TMEM131: variants seen among roughly 807,000 people sequenced by gnomAD.
The protein encoded by TMEM131 is transmembrane protein 131.
In TMEM131, 66 loss-of-function variants were observed where a neutral mutation model predicts 211.6. The observed-to-expected ratio is 0.31, with a 90% CI of 0.26 to 0.38. The LOEUF (loss-of-function observed/expected upper bound fraction) is 0.38, where lower values mean the gene tolerates loss of function less well. Among genes scored for constraint, TMEM131 ranks in the 10% least tolerant of loss-of-function variants. The pLI is 1.00. For synonymous variants in TMEM131, 844 were observed against 841.3 expected (o/e 1.00, Z -0.06); for missense variants, 2,036 against 2,299.3 (o/e 0.89, Z 2.34).
intron 4 of TMEM131, among the ~76,000 whole-genome samples, chr2:97,872,812 C>T (rs373239260): frequency 2.0e-4 from 30 of 152,304 alleles, no homozygotes; most frequent in East Asian, 7.7e-4. Flanking sequence ...ACTGGGCGGC[C>T]GTTTGGGCAG....
At position 97,818,585 on chromosome 2, in the gene TMEM131, T is replaced by C. The variant is rs777182901; in HGVS notation, c.1183+28A>G. 9 of 1,403,378 alleles carry C rather than the reference T, an allele frequency of 6.4e-6. No individual in the cohort carries two copies. In the South Asian group the frequency reaches 1.1e-4, roughly 17 times the overall value. The allele number at this position is 1,403,378 out of a possible 1,614,324, so 86.9% of individuals were successfully genotyped here. A position where few individuals can be genotyped will look rare whatever the true frequency, so the allele number is the denominator to read the frequency against. On this transcript the variant is annotated intron_variant, in intron 12 of 40. Transcript: ENST00000186436. The stretch of plus-strand genomic sequence containing the variant: ...CTAGTTTATCAAAATAACATCACTC[T>C]ATCAGAGAGAAAATGGTGAATACTT...
chr2:97,900,505 A>AT (rs533466724), intron 3 of TMEM131, among the ~76,000 whole-genome samples: 1 of 151,862 alleles, frequency 6.6e-6, no homozygotes, highest in Non-Finnish European at 1.5e-5. Context: ...GGATTTCCTT[A>AT]TTTTTTAAGG....
At chr2:97,874,727 CTAAA>C (rs1674623154) in intron 4 of TMEM131, among the ~76,000 whole-genome samples, 1 of 152,182 alleles carries the variant, frequency 6.6e-6, no homozygotes. Context: ...GAAGGAAGCA[CTAAA>C]TATGGACAGG....
intron 31 of TMEM131, among the ~76,000 whole-genome samples, chr2:97,777,217 C>G (rs1405908631): frequency 6.6e-6 from 1 of 152,238 alleles, no homozygotes; most frequent in African/African-American, 2.4e-5. Context: ...CAGGCAGGTG[C>G]AAGCTGCAGA....
chr2:97,976,838 T>G (rs1679557259), intron 1 of TMEM131, among the ~76,000 whole-genome samples: 1 of 150,598 alleles, frequency 6.6e-6, no homozygotes, highest in African/African-American at 2.5e-5. Flanking sequence ...CAACCAGAAA[T>G]AAACTCACAC....
Position 97,756,597 on chromosome 2 carries a change from A to T in TMEM131, c.*502T>A, listed in dbSNP as rs941548168. The T allele has an allele frequency of 6.6e-6, 1 of 152,372 alleles. No individual in the cohort carries two copies. The highest frequency in any genetic ancestry group is 2.4e-5 in the African/African-American group (1 of 41,462). The allele number at this position is 152,372 out of a possible 1,614,324, so 9.4% of individuals were successfully genotyped here. On this transcript the variant is annotated 3_prime_UTR_variant, in exon 41 of 41. Coordinates refer to ENST00000186436, the MANE Select transcript of TMEM131 (RefSeq NM_015348.2). ...TCTGCTTTTAAACCAAGACAGCCTT[A>T]CTTTAAAAAAATACTCTATTTTCAG...
chr2:97,803,713 C>T (rs967292386), intron 22 of TMEM131, among the ~76,000 whole-genome samples: 1 of 152,140 alleles, frequency 6.6e-6, no homozygotes, highest in Non-Finnish European at 1.5e-5. Context: ...TCAAGATAGA[C>T]AGGGAGCCAA....
chr2:97,871,972 G>C (rs1279563712), intron 4 of TMEM131, among the ~76,000 whole-genome samples: 1 of 151,502 alleles, frequency 6.6e-6, no homozygotes, highest in East Asian at 1.9e-4. Context: ...AGGGGAGCCA[G>C]TGGTGTCTAG....
At chr2:97,910,269 C>T (rs1676239884) in intron 2 of TMEM131, among the ~76,000 whole-genome samples, 1 of 152,136 alleles carries the variant, frequency 6.6e-6, no homozygotes, top group African/African-American at 2.4e-5. Context: ...AACCTTTGTG[C>T]ACTGTTAGTG....
chr2:97,921,147 G>A (rs2104418514), intron 2 of TMEM131, among the ~76,000 whole-genome samples: 1 of 152,200 alleles, frequency 6.6e-6, no homozygotes, highest in Middle Eastern at 3.4e-3. Flanking sequence ...CGGTGACCCT[G>A]GTATTAGGAT....
chr2:97,875,699 C>A (rs185894070), intron 4 of TMEM131, among the ~76,000 whole-genome samples: 2 of 152,292 alleles, frequency 1.3e-5, no homozygotes, highest in East Asian at 3.9e-4. Flanking sequence ...ACCAGAATCT[C>A]TGGGACACAT....
chr2:97,763,550 T>C (rs898530137), intron 35 of TMEM131: 8 of 152,716 alleles, frequency 5.2e-5, no homozygotes, highest in African/African-American at 1.7e-4. Flanking sequence ...GCTCGAATCT[T>C]TGTCCCCATC....
intron 31 of TMEM131, among the ~76,000 whole-genome samples, chr2:97,792,111 C>A (rs1288104624): frequency 6.6e-6 from 1 of 152,226 alleles, no homozygotes; most frequent in African/African-American, 2.4e-5. Flanking sequence ...AAATCTATCA[C>A]AATAACACAA....
At chr2:97,786,618 A>G (rs1338741467) in intron 31 of TMEM131, among the ~76,000 whole-genome samples, 1 of 152,218 alleles carries the variant, frequency 6.6e-6, no homozygotes, top group African/African-American at 2.4e-5. Context: ...TGTGTGGAAG[A>G]ACACTTAGGC....
chr2:97,921,808 C>G (rs1472462480), intron 2 of TMEM131, among the ~76,000 whole-genome samples: 1 of 152,108 alleles, frequency 6.6e-6, no homozygotes, highest in African/African-American at 2.4e-5. Context: ...AAAAGTTGCT[C>G]AGCTTTATGA....
chr2:97,930,072 G>A (rs1220441842), intron 1 of TMEM131, among the ~76,000 whole-genome samples: 5 of 151,800 alleles, frequency 3.3e-5, no homozygotes, highest in African/African-American at 1.2e-4. Context: ...ACAGGATCCA[G>A]AGAATTTTTT....
chr2:97,818,781 T>C (rs1681970280), intron 11 of TMEM131, 60 bp from the exon 12 acceptor site: 3 of 1,104,068 alleles, frequency 2.7e-6, no homozygotes, highest in Admixed American at 2.2e-5. Flanking sequence ...TCAGTTGCCT[T>C]ATACTTATAC....
chr2:97,983,395 G>A (rs142490206), intron 1 of TMEM131, among the ~76,000 whole-genome samples: 3 of 152,190 alleles, frequency 2.0e-5, no homozygotes, highest in Non-Finnish European at 2.9e-5. Flanking sequence ...AGGTCTCTTC[G>A]GGTCTCTTCA....
At position 97,815,194 on chromosome 2, in the gene TMEM131, C is replaced by A; in HGVS notation, c.1292+5G>T. The A allele has an allele frequency of 6.9e-7, 1 of 1,448,044 alleles. No individual in the cohort carries two copies. Among genetic ancestry groups the A allele is most frequent in the Non-Finnish European group, 9.3e-7 (1 of 1,079,296 alleles). 89.7% of individuals were successfully genotyped at this position (1,448,044 alleles called of 1,614,324 possible). The stretch of plus-strand genomic sequence containing the variant: ...TAATAGAATTTATTTTAAAAAGAAA[C>A]TCACCCATCTAAAACTTCTGCTTGA... On this transcript the variant is annotated splice_donor_5th_base_variant and intron_variant, in intron 13 of 40. Transcript: ENST00000186436.
Sources: allele counts gnomAD v4.1 joint callset (sites outside exome capture counted in the v4.1 genomes callset), GRCh38; gene constraint gnomAD v4.1.1; transcripts MANE v1.5; gene names NCBI Gene and HGNC (gene_info 2026-07-23, HGNC 2026-07-21).